SLIT3: variants seen among roughly 807,000 people sequenced by gnomAD.
The protein encoded by SLIT3 is slit homolog 3 protein.
Under a neutral mutation model 184.0 loss-of-function variants are expected in SLIT3, and 68 were observed. That is an observed-to-expected ratio of 0.37 (90% confidence interval 0.30 to 0.45). The LOEUF (loss-of-function observed/expected upper bound fraction) is 0.45. SLIT3 is among the 20% of genes least tolerant of loss of function. The pLI, the probability that SLIT3 is intolerant of heterozygous loss-of-function variation, is 1.00. For synonymous variants in SLIT3, 831 were observed against 828.6 expected, an observed-to-expected ratio of 1.00 and a Z score of -0.05; for missense variants, 1,707 against 2,026.0, an observed-to-expected ratio of 0.84 and a Z score of 3.02.
intron 4 of SLIT3, among the ~76,000 whole-genome samples, chr5:169,055,290 T>A (rs1347320503): frequency 1.3e-5 from 2 of 152,130 alleles, no homozygotes; most frequent in Non-Finnish European, 2.9e-5. Flanking sequence ...TGGATAGTAA[T>A]CATGTAAATA....
At chr5:168,775,644 T>G (rs1755719556) in intron 12 of SLIT3, among the ~76,000 whole-genome samples, 1 of 152,222 alleles carries the variant, frequency 6.6e-6, no homozygotes, top group Non-Finnish European at 1.5e-5. Context: ...GCCATTTTAT[T>G]CCTCCCTTTC....
intron 9 of SLIT3, among the ~76,000 whole-genome samples, chr5:168,800,594 A>G (rs1015788089): frequency 1.9e-5 from 2 of 106,298 alleles, no homozygotes; most frequent in African/African-American, 6.4e-5. Flanking sequence ...TCTCAAAAAA[A>G]AGAAAGAAAG....
At chr5:169,281,073 T>C (rs1766976898) in intron 1 of SLIT3, among the ~76,000 whole-genome samples, 1 of 152,192 alleles carries the variant, frequency 6.6e-6, no homozygotes, top group Admixed American at 6.5e-5. Flanking sequence ...ACACACCCCA[T>C]CTACATAAAA....
At chr5:169,272,763 G>T (rs1002311088) in intron 1 of SLIT3, among the ~76,000 whole-genome samples, 2 of 152,236 alleles carry the variant, frequency 1.3e-5, no homozygotes, top group Non-Finnish European at 2.9e-5. Context: ...GGAGGTGGCT[G>T]CAGGTGAGCC....
At chr5:168,724,538 C>T in intron 20 of SLIT3, 54 bp from the exon 21 acceptor site, 2 of 1,512,218 alleles carry the variant, frequency 1.3e-6, no homozygotes, top group Non-Finnish European at 1.8e-6. Flanking sequence ...TACAAATTCT[C>T]ACCTTTTCAG....
intron 4 of SLIT3, among the ~76,000 whole-genome samples, chr5:168,949,290 G>A (rs995960550): frequency 1.8e-4 from 28 of 152,178 alleles, no homozygotes; most frequent in African/African-American, 6.3e-4. Flanking sequence ...CATGGGGACC[G>A]TTCAGCGTCT....
chr5:168,915,781 G>A (rs1481350210), intron 4 of SLIT3, among the ~76,000 whole-genome samples: 2 of 152,048 alleles, frequency 1.3e-5, no homozygotes, highest in African/African-American at 2.4e-5. Flanking sequence ...GAACCGCATC[G>A]TTTTGGACAA....
chr5:169,125,753 CCA>C (rs1761055598), intron 4 of SLIT3, among the ~76,000 whole-genome samples: 1 of 152,218 alleles, frequency 6.6e-6, no homozygotes, highest in Non-Finnish European at 1.5e-5. Context: ...AACGTGACTG[CCA>C]TTTGTGCCTG....
At chr5:169,291,623 T>C (rs1767365337) in intron 1 of SLIT3, among the ~76,000 whole-genome samples, 4 of 152,212 alleles carry the variant, frequency 2.6e-5, no homozygotes, top group Admixed American at 2.6e-4. Context: ...TCACCAGGTG[T>C]CCAGATCACA....
intron 1 of SLIT3, among the ~76,000 whole-genome samples, chr5:169,275,692 G>A (rs2005148): frequency 0.067 from 10,187 of 152,216 alleles, 1,078 homozygotes; most frequent in African/African-American, 0.23. Flanking sequence ...CAGATCTCAT[G>A]AGACTTATTC....
intron 4 of SLIT3, among the ~76,000 whole-genome samples, chr5:169,143,906 G>A (rs535564423): frequency 2.6e-5 from 4 of 152,264 alleles, no homozygotes; most frequent in Admixed American, 2.6e-4. Context: ...GAGTCACATG[G>A]CTCCATGGCA....
chr5:169,271,149 CAT>C (rs2113631473), intron 1 of SLIT3, among the ~76,000 whole-genome samples: 1 of 152,278 alleles, frequency 6.6e-6, no homozygotes, highest in Admixed American at 6.5e-5. Flanking sequence ...CAATGATGCT[CAT>C]AGTTTCGAGG....
chr5:168,893,957 A>G (rs1297601508), intron 4 of SLIT3, among the ~76,000 whole-genome samples: 2 of 152,112 alleles, frequency 1.3e-5, no homozygotes, highest in Non-Finnish European at 2.9e-5. Context: ...TCTTAAATTT[A>G]TATTCTCAGT....
rs770389341 is a variant in SLIT3 at position 168,757,843 on chromosome 5, C to T, written c.1685+3019G>A. On this transcript the variant is annotated intron_variant, in intron 16 of 35. Coordinates refer to ENST00000519560, the MANE Select transcript of SLIT3 (RefSeq NM_003062.4). The stretch of plus-strand genomic sequence containing the variant: ...CCAGTACCACAGCCATGTCTTTCAT[C>T]TTTATTTCCTCATATTTCTGATCCA... 2.0e-5 allele frequency among the ~76,000 whole-genome samples: 3 copies of T among 152,190 alleles called. No individual in the cohort carries two copies. In the South Asian group the frequency reaches 6.2e-4, roughly 32 times the overall value.
chr5:168,835,107 A>C (rs1240323890), intron 6 of SLIT3, among the ~76,000 whole-genome samples: 1 of 152,184 alleles, frequency 6.6e-6, no homozygotes, highest in Non-Finnish European at 1.5e-5. Flanking sequence ...TTCCCTCATC[A>C]CAGAAAGTTC....
At chr5:169,167,837 G>GT (rs920981393) in intron 4 of SLIT3, among the ~76,000 whole-genome samples, 3 of 152,106 alleles carry the variant, frequency 2.0e-5, no homozygotes, top group African/African-American at 7.2e-5. Context: ...GCACTACCTA[G>GT]TCCCCAGTCT....
chr5:168,721,759 C>T (rs1762948425), intron 23 of SLIT3, among the ~76,000 whole-genome samples: 1 of 152,188 alleles, frequency 6.6e-6, no homozygotes, highest in Non-Finnish European at 1.5e-5. Flanking sequence ...CCCACAATTG[C>T]TAACTAATAG....
intron 4 of SLIT3, among the ~76,000 whole-genome samples, chr5:169,149,924 C>T (rs6884996): frequency 0.21 from 32,316 of 152,108 alleles, 3,537 homozygotes; most frequent in South Asian, 0.32. Flanking sequence ...CAAGTACTAT[C>T]ACTGCGTATC....
At chr5:168,775,968 T>C (rs1235678192) in intron 12 of SLIT3, among the ~76,000 whole-genome samples, 3 of 152,210 alleles carry the variant, frequency 2.0e-5, no homozygotes, top group Non-Finnish European at 4.4e-5. Flanking sequence ...TGCCTTGTAG[T>C]CAATGTAAAA....
Sources: gnomAD v4.1 joint callset for allele counts (sites outside exome capture counted in the v4.1 genomes callset) on GRCh38, gnomAD v4.1.1 for gene constraint, MANE v1.5 for transcripts, NCBI Gene and HGNC (gene_info 2026-07-23, HGNC 2026-07-21) for gene names.